Variants in CDH13 observed in about 807,000 individuals in gnomAD.
CDH13 encodes cadherin-13.
Under a neutral mutation model 63.8 loss-of-function variants are expected in CDH13, and 24 were observed. That is an observed-to-expected ratio of 0.38 (90% CI 0.27 to 0.53). The LOEUF (loss-of-function observed/expected upper bound fraction) is 0.53, where lower values mean the gene tolerates loss of function less well. Among genes scored for constraint, CDH13 ranks in the 20% least tolerant of loss-of-function variants. The pLI is 0.85. For synonymous variants in CDH13, 503 were observed against 355.3 expected (o/e 1.42, Z -4.67); for missense variants, 1,049 against 903.1 (o/e 1.16, Z -2.07).
chr16:82,664,499 A>T (rs767290989), intron 1 of CDH13, among the ~76,000 whole-genome samples: 1 of 152,244 alleles, frequency 6.6e-6, no homozygotes, highest in Non-Finnish European at 1.5e-5. Context: ...AGTCCTGTCA[A>T]TGCAGTAGGT....
chr16:83,579,415 C>T lies in CDH13; in HGVS notation c.961-23039C>T, dbSNP rs533152212. Among the ~76,000 whole-genome samples the T allele has an allele frequency of 2.0e-5, 3 of 152,080 alleles. No homozygotes were observed. In the East Asian group the frequency reaches 5.8e-4, roughly 29 times the overall value. ...GGCTAGGGAGGCCTCAGGAAACTTA[C>T]AATTATGGCAGAAGGTGAAGGGGAA... On this transcript the variant is annotated intron_variant, in intron 7 of 13. Transcript: ENST00000567109.
chr16:83,088,212 C>A, intron 3 of CDH13, among the ~76,000 whole-genome samples: 1 of 152,184 alleles, frequency 6.6e-6, no homozygotes, highest in East Asian at 1.9e-4. Flanking sequence ...TGACACATTG[C>A]AGATTCAACT....
rs142780438 is a variant in CDH13, at chr16:83,317,938, A to C, written c.637-26924A>C. Among the ~76,000 whole-genome samples, 14 of 152,278 alleles carry C rather than the reference A, an allele frequency of 9.2e-5. No homozygotes were observed. The East Asian group carries it at 2.7e-3, about 29-fold the overall frequency. ...GCAACAGGGCGGGGACTAGCACCCA[A>C]GTTTTACTTCACATCCTTCTCAGGT... On this transcript the variant is annotated intron_variant, in intron 5 of 13. Transcript: ENST00000567109.
intron 6 of CDH13, among the ~76,000 whole-genome samples, chr16:83,414,295 A>G (rs1177607166): frequency 6.6e-6 from 1 of 152,214 alleles, no homozygotes; most frequent in African/African-American, 2.4e-5. Context: ...TATACTGTAT[A>G]ATTCACCCAT....
At chr16:82,928,319 T>C (rs574462926) in intron 2 of CDH13, among the ~76,000 whole-genome samples, 4 of 152,346 alleles carry the variant, frequency 2.6e-5, no homozygotes, top group Admixed American at 1.3e-4. Flanking sequence ...TCACTTCTTA[T>C]AAGCATTGCA....
intron 5 of CDH13, among the ~76,000 whole-genome samples, chr16:83,336,707 C>G (rs1405640085): frequency 6.6e-6 from 1 of 152,204 alleles, no homozygotes; most frequent in African/African-American, 2.4e-5. Context: ...GAAGAATCAT[C>G]AGAGTTAAAG....
intron 5 of CDH13, among the ~76,000 whole-genome samples, chr16:83,314,465 T>A (rs1597726452): frequency 6.6e-6 from 1 of 152,174 alleles, no homozygotes; most frequent in Non-Finnish European, 1.5e-5. Flanking sequence ...CAGAGCACCC[T>A]CTGTGATTTG....
At chr16:83,647,249 G>T (rs1911915103) in intron 8 of CDH13, among the ~76,000 whole-genome samples, 1 of 150,648 alleles carries the variant, frequency 6.6e-6, no homozygotes, top group Non-Finnish European at 1.5e-5. Flanking sequence ...GGCGGAGCTT[G>T]CAGTGAACCG....
At chr16:83,179,200 A>G (rs893035119) in intron 4 of CDH13, among the ~76,000 whole-genome samples, 3 of 152,134 alleles carry the variant, frequency 2.0e-5, no homozygotes, top group Non-Finnish European at 2.9e-5. Flanking sequence ...AGCCTTTGGG[A>G]TGTGTAGTCC....
At chr16:83,283,192 A>G (rs2089224223) in intron 5 of CDH13, among the ~76,000 whole-genome samples, 1 of 152,214 alleles carries the variant, frequency 6.6e-6, no homozygotes, top group African/African-American at 2.4e-5. Context: ...TCCTGGCTGA[A>G]TGTTTGAATT....
chr16:83,218,985 C>G (rs2039618620), intron 5 of CDH13, among the ~76,000 whole-genome samples: 1 of 152,172 alleles, frequency 6.6e-6, no homozygotes, highest in South Asian at 2.1e-4. Flanking sequence ...ATTGTGAGGC[C>G]TCCCCAGCCA....
intron 6 of CDH13, among the ~76,000 whole-genome samples, chr16:83,484,487 A>G (rs574461101): frequency 1.3e-5 from 2 of 152,370 alleles, no homozygotes; most frequent in South Asian, 2.1e-4. Flanking sequence ...TAGCAATACA[A>G]TTGCTATTGT....
At chr16:83,757,218 G>C (rs1236703502) in intron 11 of CDH13, among the ~76,000 whole-genome samples, 1 of 152,132 alleles carries the variant, frequency 6.6e-6, no homozygotes, top group East Asian at 1.9e-4. Flanking sequence ...CAAAACTTGT[G>C]GGATGCACTA....
At chr16:83,595,679 C>A (rs1257779458) in intron 7 of CDH13, among the ~76,000 whole-genome samples, 1 of 152,136 alleles carries the variant, frequency 6.6e-6, no homozygotes, top group African/African-American at 2.4e-5. Context: ...AGAACCACAC[C>A]AAGTACATAA....
intron 7 of CDH13, among the ~76,000 whole-genome samples, chr16:83,534,848 G>A (rs57565725): frequency 0.034 from 5,183 of 152,210 alleles, 100 homozygotes; most frequent in South Asian, 0.063. Context: ...CCCAAAATTG[G>A]GTCATCAAAG....
chr16:82,687,981 C>A (rs937279941), intron 1 of CDH13, among the ~76,000 whole-genome samples: 28 of 152,156 alleles, frequency 1.8e-4, no homozygotes, highest in African/African-American at 4.8e-4. Context: ...TCCATTGCCA[C>A]AATGAAACAT....
At chr16:83,397,534 T>C (rs921615927) in intron 6 of CDH13, 1 of 152,268 alleles carries the variant, frequency 6.6e-6, no homozygotes, top group African/African-American at 2.4e-5. Context: ...AAAGACGCAT[T>C]ATTCACTGGA....
At chr16:83,746,107 C>T (rs193159755) in intron 10 of CDH13, among the ~76,000 whole-genome samples, 4 of 152,254 alleles carry the variant, frequency 2.6e-5, no homozygotes, top group Admixed American at 6.5e-5. Context: ...AGTAATGCCA[C>T]GGTAACAAAG....
intron 2 of CDH13, among the ~76,000 whole-genome samples, chr16:82,888,395 G>A (rs2040964732): frequency 6.6e-6 from 1 of 152,178 alleles, no homozygotes; most frequent in Non-Finnish European, 1.5e-5. Flanking sequence ...TTCTCTGGAG[G>A]CTTCAAATTC....
Sources: allele counts gnomAD v4.1 joint callset (sites outside exome capture counted in the v4.1 genomes callset), GRCh38; gene constraint gnomAD v4.1.1; transcripts MANE v1.5; gene names NCBI Gene and HGNC (gene_info 2026-07-23, HGNC 2026-07-21).